The following TENM3 variants were observed in gnomAD, a reference collection of about 807,000 sequenced individuals.
TENM3 encodes the protein teneurin transmembrane protein 3, also known as teneurin-3.
Under a neutral mutation model 255.1 loss-of-function variants are expected in TENM3, and 63 were observed. The observed-to-expected ratio is 0.25, with a 90% CI of 0.20 to 0.30. The LOEUF (loss-of-function observed/expected upper bound fraction) is 0.30. TENM3 is among the 10% of genes least tolerant of loss of function. The pLI, the probability that TENM3 is intolerant of heterozygous loss-of-function variation, is 1.00. For missense variants in TENM3, 2,929 were observed against 3,461.1 expected (o/e 0.85, Z 3.86); for synonymous variants, 1,306 against 1,322.3 (o/e 0.99, Z 0.27).
intron 22 of TENM3, among the ~76,000 whole-genome samples, chr4:182,771,499 G>GT (rs1561229264): frequency 5.5e-5 from 4 of 73,216 alleles, no homozygotes; most frequent in Non-Finnish European, 1.2e-4. Flanking sequence ...TCTCTGAAAT[G>GT]GGGGGGGGGG....
chr4:182,249,988 G>T (rs988637808), intron 1 of TENM3, among the ~76,000 whole-genome samples: 9 of 151,064 alleles, frequency 6.0e-5, no homozygotes, highest in Non-Finnish European at 1.2e-4. Flanking sequence ...TGTTAAAAAT[G>T]ATTTGATTGC....
chr4:182,783,148 T>C (rs1229417206), intron 24 of TENM3, among the ~76,000 whole-genome samples: 1 of 152,234 alleles, frequency 6.6e-6, no homozygotes, highest in East Asian at 1.9e-4. Context: ...TTCTTCCTAG[T>C]CTTGATGGTC....
At chr4:182,598,175 T>C (rs935817083) in intron 3 of TENM3, among the ~76,000 whole-genome samples, 2 of 152,214 alleles carry the variant, frequency 1.3e-5, no homozygotes, top group African/African-American at 4.8e-5. Context: ...AGCGAGACCC[T>C]GTCTCAAAAA....
the TENM3 span, among the ~76,000 whole-genome samples, chr4:181,460,932 T>C: frequency 6.6e-6 from 1 of 151,912 alleles, no homozygotes; most frequent in South Asian, 2.1e-4. Flanking sequence ...AATTTTTAAG[T>C]TTATTTTCTA....
chr4:181,988,401 G>A, the TENM3 span, among the ~76,000 whole-genome samples: 82 of 152,040 alleles, frequency 5.4e-4, 1 homozygote, highest in Non-Finnish European at 3.5e-4. Context: ...CCCATTTGGG[G>A]CTTTAATTCA....
At chr4:182,162,427 G>A (rs1329394897) in intron 1 of TENM3, among the ~76,000 whole-genome samples, 1 of 152,142 alleles carries the variant, frequency 6.6e-6, no homozygotes, top group Non-Finnish European at 1.5e-5. Flanking sequence ...AACACTGTGA[G>A]CTAGGATTAA....
chr4:182,278,611 C>T (rs1760163153), intron 1 of TENM3, among the ~76,000 whole-genome samples: 1 of 151,440 alleles, frequency 6.6e-6, no homozygotes, highest in Admixed American at 6.6e-5. Flanking sequence ...CCTGGGCCTA[C>T]CTCACCACTG....
chr4:181,644,429 T>C, the TENM3 span, among the ~76,000 whole-genome samples: 2 of 140,126 alleles, frequency 1.4e-5, no homozygotes, highest in African/African-American at 5.2e-5. Context: ...GAATCTCTTA[T>C]CTTAAAAAAA....
At chr4:182,760,804 C>G (rs982439808) in intron 22 of TENM3, among the ~76,000 whole-genome samples, 2 of 152,128 alleles carry the variant, frequency 1.3e-5, no homozygotes, top group East Asian at 3.9e-4. Flanking sequence ...GGCAAACCCA[C>G]GACTCCCACT....
chr4:182,570,112 G>A (rs1180161921), intron 3 of TENM3, among the ~76,000 whole-genome samples: 2 of 152,160 alleles, frequency 1.3e-5, no homozygotes, highest in Non-Finnish European at 2.9e-5. Flanking sequence ...CGTAATCGAG[G>A]CAAAAGATGA....
chr4:181,986,853 G>A, the TENM3 span, among the ~76,000 whole-genome samples: 9 of 152,040 alleles, frequency 5.9e-5, no homozygotes, highest in Middle Eastern at 3.2e-3. Context: ...ACAAAAAGGT[G>A]TTTATTTGCA....
chr4:182,715,075 G>T (rs1024102513), intron 13 of TENM3, among the ~76,000 whole-genome samples: 1 of 152,124 alleles, frequency 6.6e-6, no homozygotes, highest in African/African-American at 2.4e-5. Context: ...GGAGAGACAG[G>T]GTTTCTCCAT....
the TENM3 span, among the ~76,000 whole-genome samples, chr4:182,048,991 G>T: frequency 6.4e-4 from 98 of 152,134 alleles, 1 homozygote; most frequent in Admixed American, 5.2e-3. Context: ...ACCAACTAAG[G>T]GTACATTTTG....
At chr4:181,888,890 T>C in the TENM3 span, among the ~76,000 whole-genome samples, 12,820 of 151,566 alleles carry the variant, frequency 0.085, 756 homozygotes, top group Middle Eastern at 0.14. Flanking sequence ...TCCACATTTT[T>C]GTTCTATTTG....
chr4:181,982,870 T>A, the TENM3 span, among the ~76,000 whole-genome samples: 1 of 152,148 alleles, frequency 6.6e-6, no homozygotes, highest in Admixed American at 6.6e-5. Flanking sequence ...AGAAATAAAC[T>A]TAGAGTCTTT....
At chr4:181,585,572 T>C in the TENM3 span, among the ~76,000 whole-genome samples, 1 of 152,234 alleles carries the variant, frequency 6.6e-6, no homozygotes, top group East Asian at 1.9e-4. Context: ...GCACTTGGTC[T>C]CGTGTTTTCA....
chr4:182,769,537 A>C (rs915787979), intron 22 of TENM3, among the ~76,000 whole-genome samples: 7 of 152,046 alleles, frequency 4.6e-5, no homozygotes, highest in East Asian at 3.9e-4. Flanking sequence ...TAATCCCAGC[A>C]CTTTGGGAGG....
chr4:182,202,299 CTTTTTTTTTT>C (rs773698031), intron 1 of TENM3, among the ~76,000 whole-genome samples: 1 of 100,624 alleles, frequency 9.9e-6, no homozygotes, highest in Admixed American at 1.0e-4. Context: ...GTGCACTGCA[CTTTTTTTTTT>C]TTTTTTTTTT....
At chr4:182,679,898 G>A in intron 8 of TENM3, 22 bp downstream of exon 8, 1 of 1,573,398 alleles carries the variant, frequency 6.4e-7, no homozygotes. Flanking sequence ...CTTCAAAGCA[G>A]CATTTTCCAG....
Sources: allele counts gnomAD v4.1 joint callset (sites outside exome capture counted in the v4.1 genomes callset), GRCh38; gene constraint gnomAD v4.1.1; transcripts MANE v1.5; gene names NCBI Gene and HGNC (gene_info 2026-07-23, HGNC 2026-07-21).